The following SMYD3 variants were observed in gnomAD, a reference collection of about 807,000 sequenced individuals.
SMYD3 encodes SET and MYND domain containing 3.
In SMYD3, 36 loss-of-function variants were observed where a neutral mutation model predicts 57.7. The observed-to-expected ratio is 0.62, with a 90% CI of 0.48 to 0.82. The LOEUF (loss-of-function observed/expected upper bound fraction) is 0.82. Ranked by LOEUF, SMYD3 falls within the 40% of genes least tolerant of loss-of-function variation. The probability of loss-of-function intolerance (pLI) is 0.00; values close to 1 mark genes in which losing one functional copy is unlikely to be tolerated. For synonymous variants in SMYD3, 211 were observed against 195.0 expected (o/e 1.08, Z -0.68); for missense variants, 515 against 538.8 (o/e 0.96, Z 0.44).
At chr1:246,113,438 T>A (rs1382737010) in intron 5 of SMYD3, among the ~76,000 whole-genome samples, 2 of 152,146 alleles carry the variant, frequency 1.3e-5, no homozygotes, top group Non-Finnish European at 2.9e-5. Flanking sequence ...GAAGATAAAG[T>A]TAGTCTTGGT....
At chr1:245,911,496 C>CATATATAT (rs34832589) in intron 8 of SMYD3, among the ~76,000 whole-genome samples, 3 of 149,498 alleles carry the variant, frequency 2.0e-5, no homozygotes, top group South Asian at 2.1e-4. Context: ...AAAAAAATGC[C>CATATATAT]ATATATATAT....
rs192825197 is a variant in SMYD3, at chr1:246,183,703, T to C, written c.531+143498A>G. Among the ~76,000 whole-genome samples the C allele has an allele frequency of 3.3e-5, 5 of 151,992 alleles. No homozygotes were observed. In the East Asian group the frequency reaches 9.7e-4, roughly 29 times the overall value. ...GTAGTAGCTCAAAAGATTATGAAAA[T>C]TGAGATTTCCAAACTGAATTTGAAA... On this transcript the variant is annotated intron_variant, in intron 5 of 11. Coordinates refer to ENST00000490107, the MANE Select transcript of SMYD3 (RefSeq NM_001167740.2).
At chr1:245,809,383 G>A (rs1429372843) in intron 10 of SMYD3, among the ~76,000 whole-genome samples, 1 of 152,100 alleles carries the variant, frequency 6.6e-6, no homozygotes, top group Non-Finnish European at 1.5e-5. Context: ...TCTCCCTCAG[G>A]GACCAATAGC....
chr1:245,921,418 T>C (rs775922852), intron 7 of SMYD3, among the ~76,000 whole-genome samples: 2 of 152,118 alleles, frequency 1.3e-5, no homozygotes, highest in Non-Finnish European at 2.9e-5. Flanking sequence ...TTACTGGGTA[T>C]ATACCCAAAG....
At chr1:246,159,777 G>A (rs1558277455) in intron 5 of SMYD3, among the ~76,000 whole-genome samples, 1 of 152,086 alleles carries the variant, frequency 6.6e-6, no homozygotes, top group Non-Finnish European at 1.5e-5. Flanking sequence ...TGAGTGAAAT[G>A]GGAGCCACCG....
chr1:245,827,991 G>A (rs1004881708), intron 10 of SMYD3, among the ~76,000 whole-genome samples: 1 of 152,182 alleles, frequency 6.6e-6, no homozygotes, highest in Non-Finnish European at 1.5e-5. Context: ...GGAAAGAAAG[G>A]TTAAATTCTA....
intron 5 of SMYD3, among the ~76,000 whole-genome samples, chr1:246,213,119 G>A (rs890009246): frequency 6.6e-6 from 1 of 152,154 alleles, no homozygotes; most frequent in African/African-American, 2.4e-5. Flanking sequence ...AAAGAATTCT[G>A]TCAAGGGAAA....
chr1:246,010,060 C>T (rs905176661), intron 5 of SMYD3, among the ~76,000 whole-genome samples: 1 of 134,308 alleles, frequency 7.4e-6, no homozygotes, highest in South Asian at 2.7e-4. Context: ...CACTGCACTC[C>T]AGCCTGTGCA....
At chr1:246,379,278 CTT>C (rs60991306) in intron 1 of SMYD3, among the ~76,000 whole-genome samples, 23,605 of 151,638 alleles carry the variant, frequency 0.16, 2,087 homozygotes, top group East Asian at 0.3. Flanking sequence ...CTTTTAAAAA[CTT>C]AATATCATTC....
intron 1 of SMYD3, among the ~76,000 whole-genome samples, chr1:246,397,913 A>T (rs1246784351): frequency 4.0e-3 from 1 of 248 alleles, no homozygotes; most frequent in Non-Finnish European, 0.023. Flanking sequence ...GTTGAGTCAT[A>T]AAAAAAAAAA....
intron 1 of SMYD3, among the ~76,000 whole-genome samples, chr1:246,363,407 C>T (rs1004311933): frequency 5.3e-5 from 8 of 151,596 alleles, no homozygotes; most frequent in South Asian, 4.2e-4. Flanking sequence ...GCCACCACCC[C>T]GTCTGGGAGG....
intron 7 of SMYD3, among the ~76,000 whole-genome samples, chr1:245,915,881 G>T (rs2055375855): frequency 6.6e-6 from 1 of 152,086 alleles, no homozygotes; most frequent in South Asian, 2.1e-4. Flanking sequence ...TAAAGAACGG[G>T]TCTTATGATC....
At chr1:246,297,950 G>A (rs12039645) in intron 5 of SMYD3, among the ~76,000 whole-genome samples, 9,054 of 152,126 alleles carry the variant, frequency 0.06, 392 homozygotes, top group African/African-American at 0.1. Context: ...TGTTATTTAT[G>A]AATTATAACT....
intron 5 of SMYD3, among the ~76,000 whole-genome samples, chr1:246,007,654 GAAA>G (rs35495113): frequency 6.8e-6 from 1 of 146,724 alleles, no homozygotes; most frequent in Admixed American, 6.8e-5. Flanking sequence ...ACCAAAAATA[GAAA>G]AAAAAAAAAA....
At chr1:245,820,574 G>T (rs1203857096) in intron 10 of SMYD3, among the ~76,000 whole-genome samples, 3 of 151,904 alleles carry the variant, frequency 2.0e-5, no homozygotes, top group Non-Finnish European at 4.4e-5. Flanking sequence ...GGAAATAAAG[G>T]GTATTCAATT....
chr1:246,017,406 C>A (rs2059396298), intron 5 of SMYD3, among the ~76,000 whole-genome samples: 1 of 152,148 alleles, frequency 6.6e-6, no homozygotes, highest in Non-Finnish European at 1.5e-5. Context: ...ATCCTTTTCA[C>A]AGCAAAAGGT....
intron 10 of SMYD3, among the ~76,000 whole-genome samples, chr1:245,793,491 C>T (rs953066572): frequency 1.3e-5 from 2 of 152,136 alleles, no homozygotes; most frequent in African/African-American, 4.8e-5. Context: ...TGCTTCGTCT[C>T]TCAAATCTCC....
intron 1 of SMYD3, among the ~76,000 whole-genome samples, chr1:246,375,131 A>T (rs2066254272): frequency 6.6e-6 from 1 of 152,164 alleles, no homozygotes. Context: ...CTTTAAAAAG[A>T]AACACATAAT....
intron 5 of SMYD3, among the ~76,000 whole-genome samples, chr1:246,204,865 C>T (rs933381811): frequency 1.3e-5 from 2 of 152,214 alleles, no homozygotes; most frequent in Admixed American, 1.3e-4. Flanking sequence ...GCAAACTCTT[C>T]AGGCCTTGAC....
Sources: allele counts gnomAD v4.1 joint callset (sites outside exome capture counted in the v4.1 genomes callset), GRCh38; gene constraint gnomAD v4.1.1; transcripts MANE v1.5; gene names NCBI Gene and HGNC (gene_info 2026-07-23, HGNC 2026-07-21).